Variants in UBA5 observed in about 807,000 individuals in gnomAD.
UBA5 encodes ubiquitin like modifier activating enzyme 5.
Under a neutral mutation model 52.9 loss-of-function variants are expected in UBA5, and 28 were observed. The observed-to-expected ratio is 0.53, with a 90% confidence interval of 0.39 to 0.73. UBA5 has a LOEUF of 0.73. Ranked by LOEUF, UBA5 falls within the 30% of genes least tolerant of loss-of-function variation. The probability of loss-of-function intolerance (pLI) is 0.00; values close to 1 mark genes in which losing one functional copy is unlikely to be tolerated. For missense variants in UBA5, 388 were observed against 492.7 expected (o/e 0.79, Z 2.01); for synonymous variants, 135 against 162.1 (o/e 0.83, Z 1.27).
chr3:132,664,533 C>T (rs1232844648), intron 1 of UBA5, among the ~76,000 whole-genome samples: 2 of 152,086 alleles, frequency 1.3e-5, no homozygotes, highest in Non-Finnish European at 2.9e-5. Context: ...CTGTCATGTG[C>T]ATCAGAATTA....
intron 3 of UBA5, chr3:132,667,423 G>A (rs1938423485): frequency 6.6e-6 from 1 of 152,082 alleles, no homozygotes; most frequent in African/African-American, 2.4e-5. Context: ...GTGTCTCTGG[G>A]GATGAGGCAC....
At chr3:132,657,435 T>C (rs921880753), upstream of UBA5, among the ~76,000 whole-genome samples, 1 of 152,214 alleles carries the variant, frequency 6.6e-6, no homozygotes, top group East Asian at 1.9e-4. Flanking sequence ...CTCTTACACA[T>C]AAAATTTAGG....
In UBA5 at chr3:132,660,924, T is replaced by A; in HGVS notation, c.161+226T>A. On this transcript the variant is annotated intron_variant, in intron 1 of 11. Transcript: ENST00000356232. This position sits in a 1 kb window ranked among gnomAD's most constrained non-coding sequence, Gnocchi z 4.1. ...TGAGTCAGCCATATGGTGCTGCTCC[T>A]GTGCCTGCTGAGGACGTGTGTCCAG... 6.7e-7 allele frequency: 1 copy of A among 1,486,254 alleles called. No homozygotes were observed. Among genetic ancestry groups the A allele is most frequent in the African/African-American group, 1.4e-5 (1 of 71,584 alleles). The allele number at this position is 1,486,254 out of a possible 1,614,324, so 92.1% of individuals were successfully genotyped here.
At chr3:132,672,746 T>G (rs1442052667) in intron 8 of UBA5, among the ~76,000 whole-genome samples, 1 of 152,216 alleles carries the variant, frequency 6.6e-6, no homozygotes, top group Non-Finnish European at 1.5e-5. Context: ...AAAAGATTCT[T>G]GAAATCTGCT....
At chr3:132,655,914 T>C (rs1937767137), upstream of UBA5, among the ~76,000 whole-genome samples, 1 of 152,222 alleles carries the variant, frequency 6.6e-6, no homozygotes, top group African/African-American at 2.4e-5. Context: ...TTTGCAAATT[T>C]TAAAAGTAAA....
intron 1 of UBA5, among the ~76,000 whole-genome samples, chr3:132,664,555 G>C (rs1336445298): frequency 6.6e-6 from 1 of 152,130 alleles, no homozygotes; most frequent in Admixed American, 6.5e-5. Flanking sequence ...TGGAGGGCTT[G>C]TTAAAGCAAA....
At chr3:132,673,353 T>C (rs779557250) in intron 8 of UBA5, among the ~76,000 whole-genome samples, 4 of 151,538 alleles carry the variant, frequency 2.6e-5, no homozygotes, top group Non-Finnish European at 5.9e-5. Context: ...TCACTCTTCT[T>C]TTTGTTTTTT....
chr3:132,660,251 C>A, upstream of UBA5: 1 of 549,004 alleles, frequency 1.8e-6, no homozygotes, highest in Non-Finnish European at 3.3e-6. This position sits in a 1 kb window ranked among gnomAD's most constrained non-coding sequence, Gnocchi z 4.1. Context: ...GGTGCTGCTG[C>A]GGCCGGGTTT....
Position 132,675,623 on chromosome 3 carries a change from C to G in UBA5, c.967C>G (p.Pro323Ala), listed in dbSNP as rs1199568276. 6.2e-7 allele frequency: 1 copy of G among 1,612,462 alleles called. No homozygotes were observed. The highest frequency in any genetic ancestry group is 1.1e-5 in the South Asian group (1 of 90,806). Residue 323 changes from proline to alanine, a missense_variant, in exon 10 of 12, where the codon CCT becomes GCT. Physicochemically the swap from Pro to Ala is conservative, Grantham distance 27. Coordinates refer to ENST00000356232, the MANE Select transcript of UBA5 (RefSeq NM_024818.6). ...EEYKKKVAAL[P>A]KQEVIQEEEE... ...TCTACAGAAAAAGGTAGCAGCACTG[C>G]CTAAACAAGAGGTTATACAAGAAGA... is the stretch of plus-strand genomic sequence containing the variant.
chr3:132,657,866 C>CTTTT (rs56190801), upstream of UBA5, among the ~76,000 whole-genome samples: 15 of 119,158 alleles, frequency 1.3e-4, 1 homozygote, highest in African/African-American at 1.9e-4. Flanking sequence ...ACACATATTC[C>CTTTT]TTTTTTTTTT....
chr3:132,676,652 C>T lies in UBA5; in HGVS notation c.*126C>T. On this transcript the variant is annotated 3_prime_UTR_variant, in exon 12 of 12. Coordinates refer to ENST00000356232, the MANE Select transcript of UBA5 (RefSeq NM_024818.6). This position sits in a 1 kb window ranked among gnomAD's most constrained non-coding sequence, Gnocchi z 4.1. ...GTATATTCTTACCTGAATTGTTATA[C>T]TTTTTGAAAATCCTGTGACTTGCCT... 1.4e-6 allele frequency: 1 copy of T among 691,780 alleles called. No individual in the cohort carries two copies. Among genetic ancestry groups the T allele is most frequent in the South Asian group, 1.8e-5 (1 of 54,310 alleles). The allele number at this position is 691,780 out of a possible 1,614,324, so 42.9% of individuals were successfully genotyped here. A position where few individuals can be genotyped will look rare whatever the true frequency, so the allele number is the denominator to read the frequency against.
rs903065699 is a variant in UBA5 at position 132,670,054 on chromosome 3, C to G, written c.408-144C>G. The G allele has an allele frequency of 1.4e-5, 8 of 567,062 alleles. No individual in the cohort carries two copies. In the African/African-American group the frequency reaches 1.6e-4, roughly 11 times the overall value. 35.1% of individuals were successfully genotyped at this position (567,062 alleles called of 1,614,324 possible). A position where few individuals can be genotyped will look rare whatever the true frequency, so the allele number is the denominator to read the frequency against. ...AAACATTTTTTTAGAGACAGGGTCT[C>G]ACTCTGTCCCCCAGGTTGGGGTGCA... On this transcript the variant is annotated intron_variant, in intron 4 of 11. Transcript: ENST00000356232.
intron 8 of UBA5, among the ~76,000 whole-genome samples, chr3:132,672,804 T>A (rs1465255103): frequency 1.3e-5 from 2 of 152,170 alleles, no homozygotes; most frequent in Non-Finnish European, 2.9e-5. Flanking sequence ...AACTGTACTA[T>A]CTAAACTGTA....
At chr3:132,659,819 G>C, upstream of UBA5, 1 of 1,515,782 alleles carries the variant, frequency 6.6e-7, no homozygotes, top group Non-Finnish European at 8.8e-7. Flanking sequence ...TTCAGGATTG[G>C]GGCAACGTCC....
chr3:132,663,004 A>C (rs1388619059), intron 1 of UBA5, among the ~76,000 whole-genome samples: 1 of 152,232 alleles, frequency 6.6e-6, no homozygotes, highest in East Asian at 1.9e-4. Flanking sequence ...TTTTTAAAAG[A>C]AACTCCCATT....
At chr3:132,669,483 G>A (rs963269552) in intron 4 of UBA5, among the ~76,000 whole-genome samples, 7 of 152,152 alleles carry the variant, frequency 4.6e-5, no homozygotes, top group African/African-American at 1.7e-4. Context: ...GCCCAGGCTG[G>A]TCTCAAACTC....
chr3:132,654,780 T>C (rs1226786006), intron 1 of UBA5: 1 of 152,220 alleles, frequency 6.6e-6, no homozygotes, highest in Admixed American at 6.5e-5. Context: ...GTGTGTTGGA[T>C]AGAGTTACAT....
At chr3:132,670,467 A>G (rs1938553219) in intron 5 of UBA5, among the ~76,000 whole-genome samples, 183 bp downstream of exon 5, 1 of 152,144 alleles carries the variant, frequency 6.6e-6, no homozygotes, top group African/African-American at 2.4e-5. Flanking sequence ...TATATTGTCC[A>G]AAAACAATTA....
At chr3:132,655,305 T>G (rs1453280428) in intron 1 of UBA5, among the ~76,000 whole-genome samples, 1 of 152,088 alleles carries the variant, frequency 6.6e-6, no homozygotes, top group African/African-American at 2.4e-5. Context: ...GAGATTCTGT[T>G]TTTTTTGTTG....
Sources: allele counts gnomAD v4.1 joint callset (sites outside exome capture counted in the v4.1 genomes callset), GRCh38; gene constraint gnomAD v4.1.1; non-coding constraint Gnocchi (gnomAD v3.1); transcripts MANE v1.5; gene names NCBI Gene and HGNC (gene_info 2026-07-23, HGNC 2026-07-21).